The following SYT16 variants were observed in gnomAD, a reference collection of about 807,000 sequenced individuals.
SYT16 encodes synaptotagmin-16.
In SYT16, 42 loss-of-function variants were observed where a neutral mutation model predicts 61.4. That is an observed-to-expected ratio of 0.68 (90% confidence interval 0.53 to 0.89). The LOEUF (loss-of-function observed/expected upper bound fraction) is 0.89. Ranked by LOEUF, SYT16 falls within the 40% of genes least tolerant of loss-of-function variation. The pLI, the probability that SYT16 is intolerant of heterozygous loss-of-function variation, is 0.00. For synonymous variants in SYT16, 314 were observed against 302.3 expected (o/e 1.04, Z -0.40); for missense variants, 804 against 807.3 (o/e 1.00, Z 0.05).
At chr14:61,951,915 G>A (rs1222829694) in intron 1 of SYT16, among the ~76,000 whole-genome samples, 4 of 152,116 alleles carry the variant, frequency 2.6e-5, no homozygotes, top group African/African-American at 7.2e-5. Flanking sequence ...TCTGCCTCCC[G>A]AATAGCTGGT....
chr14:62,050,037 A>G (rs1343656717), intron 3 of SYT16, among the ~76,000 whole-genome samples: 2 of 152,180 alleles, frequency 1.3e-5, no homozygotes, highest in African/African-American at 4.8e-5. Flanking sequence ...AGATTTGGGA[A>G]GTTCTCCTGG....
intron 1 of SYT16, among the ~76,000 whole-genome samples, chr14:61,882,664 C>T (rs2047743244): frequency 6.6e-6 from 1 of 152,182 alleles, no homozygotes; most frequent in African/African-American, 2.4e-5. Flanking sequence ...TAACTGTTCC[C>T]CCAGATCTTA....
intron 3 of SYT16, among the ~76,000 whole-genome samples, chr14:62,062,002 T>G (rs886985791): frequency 1.3e-5 from 2 of 152,234 alleles, no homozygotes; most frequent in Admixed American, 6.5e-5. Context: ...TTTGAATCAC[T>G]CTGCCATTAT....
chr14:62,020,784 G>T, intron 3 of SYT16, among the ~76,000 whole-genome samples: 1 of 152,174 alleles, frequency 6.6e-6, no homozygotes, highest in East Asian at 1.9e-4. Context: ...GATGGTTGGG[G>T]CACCGCATGT....
chr14:62,012,605 G>T (rs7140445), intron 3 of SYT16, among the ~76,000 whole-genome samples: 31,270 of 151,966 alleles, frequency 0.21, 4,121 homozygotes, highest in East Asian at 0.59. Flanking sequence ...GACTACTTTA[G>T]CATCTTCTTA....
chr14:62,000,391 C>A (rs573988990), intron 3 of SYT16, among the ~76,000 whole-genome samples: 1 of 151,648 alleles, frequency 6.6e-6, no homozygotes, highest in Non-Finnish European at 1.5e-5. Flanking sequence ...CTCCAACTTT[C>A]TTTTGATTAG....
At chr14:62,020,999 C>T (rs759656955) in intron 3 of SYT16, among the ~76,000 whole-genome samples, 3 of 152,120 alleles carry the variant, frequency 2.0e-5, no homozygotes, top group East Asian at 1.9e-4. Flanking sequence ...CTCTCTATGT[C>T]GGTGCCCTGC....
chr14:61,957,594 G>T (rs1017599015), intron 1 of SYT16, among the ~76,000 whole-genome samples: 31 of 151,996 alleles, frequency 2.0e-4, no homozygotes, highest in African/African-American at 6.7e-4. Flanking sequence ...ATGTTAATGA[G>T]GCATATTTCA....
At position 61,835,521 on chromosome 14, in the gene SYT16, G is replaced by A. The variant is rs563149932; in HGVS notation, c.-325+22711G>A. ...GATCTGCCCATCTTGGCCTCCCAAA[G>A]TGCTGGGATTACAGGCGTGAGCCAC... On this transcript the variant is annotated intron_variant, in intron 1 of 7. Coordinates refer to ENST00000683842, the MANE Select transcript of SYT16 (RefSeq NM_001367656.1). 1.9e-4 allele frequency among the ~76,000 whole-genome samples: 29 copies of A among 151,542 alleles called. No homozygotes were observed. The South Asian group carries it at 2.5e-3, about 13-fold the overall frequency.
At chr14:61,988,878 C>T (rs557030431) in intron 2 of SYT16, among the ~76,000 whole-genome samples, 45 of 73,324 alleles carry the variant, frequency 6.1e-4, no homozygotes, top group African/African-American at 2.2e-3. Flanking sequence ...ACTATCTAAT[C>T]GCATTTTTTT....
In SYT16 at chr14:61,852,261, C is replaced by A. The variant is rs141977477; in HGVS notation, c.-325+39451C>A. Among the ~76,000 whole-genome samples the A allele has an allele frequency of 8.8e-3, 1,341 of 152,166 alleles. 10 individuals carry two copies. Among genetic ancestry groups the A allele is most frequent in the Non-Finnish European group, 0.013 (903 of 68,000 alleles). On this transcript the variant is annotated intron_variant, in intron 1 of 7. Transcript: ENST00000683842. Reference sequence around the variant, plus strand: ...CAGTCTTATTTCTGAGATGTCTATTCTGTTCCATTGGTCTATGTGTCTGTT... The same window carrying A: ...CAGTCTTATTTCTGAGATGTCTATTATGTTCCATTGGTCTATGTGTCTGTT...
At chr14:61,895,805 T>C (rs1193256918) in intron 1 of SYT16, among the ~76,000 whole-genome samples, 1 of 151,752 alleles carries the variant, frequency 6.6e-6, no homozygotes, top group African/African-American at 2.4e-5. Flanking sequence ...CCCTGAATTG[T>C]AAAAAAAAAT....
At chr14:61,993,395 G>A (rs866511242) in intron 2 of SYT16, among the ~76,000 whole-genome samples, 4 of 151,958 alleles carry the variant, frequency 2.6e-5, no homozygotes, top group Non-Finnish European at 4.4e-5. Flanking sequence ...AAACCTGCAC[G>A]TCTGCACATG....
At chr14:62,062,015 G>T (rs1288202133) in intron 3 of SYT16, among the ~76,000 whole-genome samples, 3 of 152,172 alleles carry the variant, frequency 2.0e-5, no homozygotes, top group Admixed American at 1.3e-4. Flanking sequence ...GCCATTATCA[G>T]AACCGGAATT....
At chr14:61,826,404 C>A (rs776618194) in intron 1 of SYT16, among the ~76,000 whole-genome samples, 3 of 152,026 alleles carry the variant, frequency 2.0e-5, no homozygotes, top group Non-Finnish European at 2.9e-5. Context: ...TATAACAAAA[C>A]AACATTATTT....
chr14:62,099,870 CTTGTGTG>C (rs2057373923), intron 7 of SYT16, among the ~76,000 whole-genome samples: 1 of 121,196 alleles, frequency 8.3e-6, no homozygotes, highest in African/African-American at 3.1e-5. Context: ...GGAGCAAGAC[CTTGTGTG>C]TCTGTCTGTC....
At chr14:61,906,880 T>C (rs2048745312) in intron 1 of SYT16, among the ~76,000 whole-genome samples, 1 of 152,304 alleles carries the variant, frequency 6.6e-6, no homozygotes, top group South Asian at 2.1e-4. Flanking sequence ...CACAAGGCTC[T>C]GAGGACACAA....
intron 1 of SYT16, among the ~76,000 whole-genome samples, chr14:61,888,059 A>C (rs957756845): frequency 1.3e-5 from 2 of 151,586 alleles, no homozygotes; most frequent in Non-Finnish European, 2.9e-5. Flanking sequence ...ATCTGTGACA[A>C]TTCCTTCCAC....
At chr14:62,019,894 T>C (rs1168926791) in intron 3 of SYT16, among the ~76,000 whole-genome samples, 1 of 152,240 alleles carries the variant, frequency 6.6e-6, no homozygotes, top group Non-Finnish European at 1.5e-5. Context: ...AATGGTGGCC[T>C]GACCACAATC....
Sources: gnomAD v4.1 joint callset for allele counts (sites outside exome capture counted in the v4.1 genomes callset) on GRCh38, gnomAD v4.1.1 for gene constraint, MANE v1.5 for transcripts, NCBI Gene and HGNC (gene_info 2026-07-23, HGNC 2026-07-21) for gene names.